Variants in APBB2 observed in about 807,000 individuals in gnomAD.
APBB2 encodes the protein amyloid beta precursor protein binding family B member 2.
APBB2 carries 38 observed loss-of-function variants against 82.5 expected under a neutral mutation model. The ratio of observed to expected loss-of-function variants is 0.46; its 90% CI spans 0.36 to 0.60. The LOEUF (loss-of-function observed/expected upper bound fraction) is 0.60. APBB2 is among the 20% of genes least tolerant of loss of function. The pLI is 0.00. For synonymous variants in APBB2, 341 were observed against 368.2 expected, an observed-to-expected ratio of 0.93 and a Z score of 0.85; for missense variants, 772 against 972.3, an observed-to-expected ratio of 0.79 and a Z score of 2.74.
chr4:40,966,794 C>A (rs2154396333), intron 6 of APBB2, among the ~76,000 whole-genome samples: 1 of 152,298 alleles, frequency 6.6e-6, no homozygotes, highest in South Asian at 2.1e-4. Context: ...GCAGGCACCC[C>A]TCAGCATGAA....
At chr4:40,862,750 T>C (rs1578051817) in intron 12 of APBB2, among the ~76,000 whole-genome samples, 2 of 151,838 alleles carry the variant, frequency 1.3e-5, no homozygotes, top group South Asian at 4.2e-4. Context: ...TCCCAGCTAC[T>C]TGGGAGGCTG....
At chr4:40,882,232 G>T (rs1396760979) in intron 12 of APBB2, among the ~76,000 whole-genome samples, 1 of 152,156 alleles carries the variant, frequency 6.6e-6, no homozygotes, top group Admixed American at 6.6e-5. Flanking sequence ...CTGTTAAGAG[G>T]GGGGCTCTGA....
At chr4:41,076,212 G>A (rs1735587059) in intron 3 of APBB2, among the ~76,000 whole-genome samples, 2 of 152,352 alleles carry the variant, frequency 1.3e-5, no homozygotes, top group Admixed American at 1.3e-4. Context: ...CCAGTATGCG[G>A]CAAAGAACTT....
chr4:40,839,110 C>G (rs1028784606), intron 12 of APBB2, among the ~76,000 whole-genome samples: 10 of 152,116 alleles, frequency 6.6e-5, no homozygotes, highest in African/African-American at 2.2e-4. Flanking sequence ...CAGGGTCTCA[C>G]TCTGTCGGCC....
chr4:40,873,531 G>A (rs532989402), intron 12 of APBB2, among the ~76,000 whole-genome samples: 1 of 152,312 alleles, frequency 6.6e-6, no homozygotes, highest in Non-Finnish European at 1.5e-5. Flanking sequence ...AGACAATTAT[G>A]CTAGACCACT....
chr4:41,032,514 G>A (rs1477440495), intron 5 of APBB2, among the ~76,000 whole-genome samples: 1 of 150,356 alleles, frequency 6.7e-6, no homozygotes. Context: ...GGCGGGGGGG[G>A]TTTCTGTCTA....
chr4:41,059,807 G>T (rs956182651), intron 4 of APBB2, among the ~76,000 whole-genome samples: 3 of 151,740 alleles, frequency 2.0e-5, no homozygotes, highest in Non-Finnish European at 2.9e-5. Flanking sequence ...TGAGACCCCT[G>T]ATTTCCCACT....
rs34433911 is a variant in APBB2 at position 40,858,454 on chromosome 4, C to CAAAAAAAAAAAAAAAA, written c.1530-27893_1530-27878dup. Among the ~76,000 whole-genome samples the CAAAAAAAAAAAAAAAA allele has an allele frequency of 4.1e-3, 237 of 57,712 alleles. 11 individuals carry two copies. The highest frequency in any genetic ancestry group is 6.5e-3 in the African/African-American group (88 of 13,566). The allele number at this position is 57,712 out of a possible 152,430, so 37.9% of individuals were successfully genotyped here. A position where few individuals can be genotyped will look rare whatever the true frequency, so the allele number is the denominator to read the frequency against. The stretch of plus-strand genomic sequence containing the variant: ...TGAGTGACAGAGTGAGAGTCCGTCT[C>CAAAAAAAAAAAAAAAA]AAAAAAAAAAAAAAAAAAAAAAAAG... On this transcript the variant is annotated intron_variant, in intron 12 of 17. Transcript: ENST00000508593.
intron 1 of APBB2, among the ~76,000 whole-genome samples, chr4:41,197,790 G>T: frequency 6.6e-6 from 1 of 152,238 alleles, no homozygotes; most frequent in South Asian, 2.1e-4. Flanking sequence ...TTGTTCATAT[G>T]CTATTTCACT....
chr4:40,972,070 A>C (rs899094915), intron 6 of APBB2, among the ~76,000 whole-genome samples: 4 of 152,242 alleles, frequency 2.6e-5, no homozygotes, highest in Non-Finnish European at 5.9e-5. Flanking sequence ...ATCCACACTT[A>C]GATAAATTAT....
At chr4:41,092,124 C>G (rs1369059104) in intron 3 of APBB2, among the ~76,000 whole-genome samples, 1 of 152,210 alleles carries the variant, frequency 6.6e-6, no homozygotes, top group Non-Finnish European at 1.5e-5. Context: ...AGACATGCAT[C>G]AAGGGCTGTA....
intron 10 of APBB2, among the ~76,000 whole-genome samples, chr4:40,920,523 C>T (rs910907701): frequency 6.6e-6 from 1 of 152,092 alleles, no homozygotes; most frequent in Non-Finnish European, 1.5e-5. Context: ...GAACTCCCAC[C>T]ACAACAACCC....
At chr4:40,903,583 G>A (rs1354020832) in intron 10 of APBB2, among the ~76,000 whole-genome samples, 1 of 152,218 alleles carries the variant, frequency 6.6e-6, no homozygotes, top group African/African-American at 2.4e-5. Context: ...TGTTGTCAGG[G>A]GGAATTAAAG....
intron 1 of APBB2, among the ~76,000 whole-genome samples, chr4:41,190,241 ATTTTTTT>A (rs1160837303): frequency 1.4e-3 from 98 of 71,792 alleles, no homozygotes; most frequent in Non-Finnish European, 2.0e-3. Context: ...TACATAGGCT[ATTTTTTT>A]TTTTTTTTTT....
At chr4:40,918,313 AG>A (rs1282336760) in intron 10 of APBB2, among the ~76,000 whole-genome samples, 1 of 152,262 alleles carries the variant, frequency 6.6e-6, no homozygotes, top group East Asian at 1.9e-4. Flanking sequence ...AGAACTCCAT[AG>A]GAATGTGAAG....
chr4:40,834,763 A>G (rs1753272633), intron 12 of APBB2, among the ~76,000 whole-genome samples: 1 of 152,182 alleles, frequency 6.6e-6, no homozygotes, highest in Non-Finnish European at 1.5e-5. Flanking sequence ...GAAGCTGGAA[A>G]AGGCAAGAAA....
At chr4:40,857,151 A>C in intron 12 of APBB2, 4 of 985,372 alleles carry the variant, frequency 4.1e-6, no homozygotes, top group Non-Finnish European at 4.8e-6. Flanking sequence ...CCCCGGGCTC[A>C]AGTTGAAGAG....
intron 6 of APBB2, among the ~76,000 whole-genome samples, chr4:40,983,141 C>T (rs1050950378): frequency 3.3e-5 from 5 of 152,190 alleles, no homozygotes; most frequent in African/African-American, 9.7e-5. Flanking sequence ...TCTCAAAATT[C>T]GCCATTTCAC....
At chr4:41,037,272 G>A (rs756789137) in intron 4 of APBB2, among the ~76,000 whole-genome samples, 5 of 152,184 alleles carry the variant, frequency 3.3e-5, no homozygotes, top group Non-Finnish European at 7.4e-5. Context: ...AATGCACGCT[G>A]ATTGTGAATA....
Sources: gnomAD v4.1 joint callset for allele counts (sites outside exome capture counted in the v4.1 genomes callset) on GRCh38, gnomAD v4.1.1 for gene constraint, MANE v1.5 for transcripts, NCBI Gene and HGNC (gene_info 2026-07-23, HGNC 2026-07-21) for gene names.